The following TOP6BL variants were observed in gnomAD, a reference collection of about 807,000 sequenced individuals.
The protein encoded by TOP6BL is type 2 DNA topoisomerase 6 subunit B-like.
At chr11:66,745,318 G>GC in the TOP6BL span, among the ~76,000 whole-genome samples, 1 of 139,788 alleles carries the variant, frequency 7.2e-6, no homozygotes, top group East Asian at 2.6e-4. Flanking sequence ...GCGGGGTGGG[G>GC]GGAGTCGGGG....
the TOP6BL span, among the ~76,000 whole-genome samples, chr11:66,745,909 CA>C: frequency 1.1e-4 from 17 of 152,200 alleles, no homozygotes; most frequent in African/African-American, 4.1e-4. Context: ...CTCTCGGGTT[CA>C]AGGGATTCTC....
the TOP6BL span, chr11:66,761,827 C>G: frequency 2.3e-6 from 2 of 853,376 alleles, no homozygotes; most frequent in East Asian, 2.5e-5. Flanking sequence ...TGTCACTCAG[C>G]CTCCTCTTCT....
chr11:66,753,322 A>G, the TOP6BL span, among the ~76,000 whole-genome samples: 1 of 151,584 alleles, frequency 6.6e-6, no homozygotes, highest in Non-Finnish European at 1.5e-5. Context: ...AAGAGAGCAG[A>G]GCTTATAAAT....
At chr11:66,822,287 G>A in the TOP6BL span, among the ~76,000 whole-genome samples, 2 of 150,904 alleles carry the variant, frequency 1.3e-5, no homozygotes, top group African/African-American at 4.9e-5. Flanking sequence ...TTCCCAAATA[G>A]TGTGTCTGTT....
chr11:66,788,260 G>A, the TOP6BL span: 1 of 1,608,246 alleles, frequency 6.2e-7, no homozygotes, highest in Non-Finnish European at 8.5e-7. Flanking sequence ...CCTTCCAGAT[G>A]ATTTTTGAGG....
the TOP6BL span, among the ~76,000 whole-genome samples, chr11:66,805,441 G>A: frequency 1.3e-5 from 2 of 151,908 alleles, no homozygotes; most frequent in Admixed American, 6.6e-5. Flanking sequence ...CAAATACAGA[G>A]AGAAAGTTGA....
At chr11:66,793,444 GTTTTTTTTTTTT>G in the TOP6BL span, among the ~76,000 whole-genome samples, 1 of 97,982 alleles carries the variant, frequency 1.0e-5, no homozygotes, top group Non-Finnish European at 2.1e-5. Context: ...TTCTTTTTTT[GTTTTTTTTTTTT>G]TTTTTTTTAG....
At chr11:66,820,255 G>A in the TOP6BL span, among the ~76,000 whole-genome samples, 5 of 152,058 alleles carry the variant, frequency 3.3e-5, no homozygotes, top group African/African-American at 9.7e-5. Context: ...CATATATTAC[G>A]TTCCCTACCA....
chr11:66,814,540 G>GGT, the TOP6BL span, among the ~76,000 whole-genome samples: 1 of 152,132 alleles, frequency 6.6e-6, no homozygotes, highest in African/African-American at 2.4e-5. Flanking sequence ...TGGTATTACA[G>GGT]GTGTGAGCCA....
chr11:66,778,018 T>G, the TOP6BL span, among the ~76,000 whole-genome samples: 1 of 152,188 alleles, frequency 6.6e-6, no homozygotes, highest in Admixed American at 6.5e-5. Context: ...TTAATTATAT[T>G]TCTCTGAACC....
At chr11:66,796,486 A>T in the TOP6BL span, 1 of 766,928 alleles carries the variant, frequency 1.3e-6, no homozygotes, top group East Asian at 2.7e-5. Context: ...AGATGATTAA[A>T]ACGTTTAATA....
chr11:66,819,565 G>A, the TOP6BL span, among the ~76,000 whole-genome samples: 14 of 152,136 alleles, frequency 9.2e-5, no homozygotes, highest in Non-Finnish European at 1.6e-4. Context: ...GAGCCCAAGA[G>A]TTCAAGACCA....
chr11:66,745,518 C>A, the TOP6BL span, among the ~76,000 whole-genome samples: 1 of 152,220 alleles, frequency 6.6e-6, no homozygotes, highest in Non-Finnish European at 1.5e-5. Flanking sequence ...CGGCCACGCC[C>A]CGTGTGCTCA....
At chr11:66,838,220 G>A in the TOP6BL span, 7 of 640,252 alleles carry the variant, frequency 1.1e-5, no homozygotes, top group Admixed American at 7.8e-5. Flanking sequence ...GGGTGGGTAG[G>A]GGGATTCATG....
At chr11:66,750,942 C>T in the TOP6BL span, among the ~76,000 whole-genome samples, 1 of 151,882 alleles carries the variant, frequency 6.6e-6, no homozygotes, top group African/African-American at 2.4e-5. Context: ...TGGGCTCAAG[C>T]AGTCCTCTCA....
the TOP6BL span, chr11:66,744,817 G>GT: frequency 7.7e-7 from 1 of 1,290,648 alleles, no homozygotes; most frequent in African/African-American, 1.6e-5. Flanking sequence ...GGGCTGAGGA[G>GT]GGGGCGGCGG....
chr11:66,771,890 T>C, the TOP6BL span, among the ~76,000 whole-genome samples: 1 of 152,212 alleles, frequency 6.6e-6, no homozygotes, highest in African/African-American at 2.4e-5. Flanking sequence ...AGAACATCCA[T>C]GAACAGCTCA....
the TOP6BL span, chr11:66,813,974 A>G: frequency 6.2e-7 from 1 of 1,613,802 alleles, no homozygotes; most frequent in Non-Finnish European, 8.5e-7. Context: ...AAAAAATACC[A>G]TTTGTGTATG....
At chr11:66,763,255 T>C in the TOP6BL span, among the ~76,000 whole-genome samples, 1 of 152,174 alleles carries the variant, frequency 6.6e-6, no homozygotes, top group African/African-American at 2.4e-5. Flanking sequence ...AGTGATCAGA[T>C]GTATTCCCCT....
Sources: allele counts gnomAD v4.1 joint callset (sites outside exome capture counted in the v4.1 genomes callset), GRCh38; gene constraint gnomAD v4.1.1; transcripts MANE v1.5; gene names NCBI Gene and HGNC (gene_info 2026-07-23, HGNC 2026-07-21).